Variants in MAP4K5 observed in about 807,000 individuals in gnomAD.
MAP4K5 encodes the protein mitogen-activated protein kinase kinase kinase kinase 5.
A neutral mutation model predicts 135.6 loss-of-function variants in MAP4K5; 82 were observed. That is an observed-to-expected ratio of 0.60 (90% CI 0.51 to 0.73). MAP4K5 has a LOEUF of 0.73. Among genes scored for constraint, MAP4K5 ranks in the 30% least tolerant of loss-of-function variants. The probability of loss-of-function intolerance (pLI) is 0.00; values close to 1 mark genes in which losing one functional copy is unlikely to be tolerated. For synonymous variants in MAP4K5, 347 were observed against 335.0 expected, an observed-to-expected ratio of 1.04 and a Z score of -0.39; for missense variants, 907 against 1,010.9, an observed-to-expected ratio of 0.90 and a Z score of 1.39.
At chr14:50,529,599 A>C (rs1219236041) in intron 2 of MAP4K5, among the ~76,000 whole-genome samples, 1 of 152,190 alleles carries the variant, frequency 6.6e-6, no homozygotes, top group Non-Finnish European at 1.5e-5. Flanking sequence ...CCCTGCCATC[A>C]TGGAGTATTT....
chr14:50,534,067 T>C (rs755788320), upstream of MAP4K5, among the ~76,000 whole-genome samples: 1 of 152,244 alleles, frequency 6.6e-6, no homozygotes, highest in Non-Finnish European at 1.5e-5. Context: ...ACTCAAAATC[T>C]CTTCAAATGT....
In MAP4K5 at chr14:50,532,076, G is replaced by C. The variant is rs754113907; in HGVS notation, c.-27C>G. ...TTCACTTAGGGCCCGGCCCCCGCCA[G>C]CTCACCCCGCGGCTCCCGGATTCCC... On this transcript the variant is annotated 5_prime_UTR_variant, in exon 2 of 33. Coordinates refer to ENST00000682126, the MANE Select transcript of MAP4K5 (RefSeq NM_006575.6). The C allele has an allele frequency of 2.1e-6, 3 of 1,408,356 alleles. No homozygotes were observed. Among genetic ancestry groups the C allele is most frequent in the Admixed American group, 2.1e-5 (1 of 48,374 alleles). 87.2% of individuals were successfully genotyped at this position (1,408,356 alleles called of 1,614,324 possible). A position where few individuals can be genotyped will look rare whatever the true frequency, so the allele number is the denominator to read the frequency against.
intron 3 of MAP4K5, 140 bp downstream of exon 3, chr14:50,504,656 TTAAC>T (rs1461606500): frequency 3.1e-6 from 2 of 635,834 alleles, no homozygotes; most frequent in Non-Finnish European, 5.3e-6. Flanking sequence ...AAACTTACCT[TTAAC>T]TAACCACCTT....
At chr14:50,556,676 C>T (rs1413397459) in intron 1 of MAP4K5, among the ~76,000 whole-genome samples, 2 of 152,172 alleles carry the variant, frequency 1.3e-5, no homozygotes, top group African/African-American at 4.8e-5. Context: ...CCCTAAGCAA[C>T]AATTAATCTA....
At chr14:50,487,471 G>A (rs1438995588) in intron 3 of MAP4K5, among the ~76,000 whole-genome samples, 6 of 152,130 alleles carry the variant, frequency 3.9e-5, no homozygotes, top group Non-Finnish European at 8.8e-5. Context: ...GGTTAGGGAA[G>A]CCAAATGAGG....
intron 2 of MAP4K5, among the ~76,000 whole-genome samples, chr14:50,509,252 G>T (rs535644844): frequency 1.3e-5 from 2 of 151,974 alleles, no homozygotes; most frequent in Admixed American, 1.3e-4. Flanking sequence ...GGCAGGGGGA[G>T]GGATAGCATT....
intron 1 of MAP4K5, chr14:50,559,530 T>C (rs908917342): frequency 2.6e-5 from 4 of 152,250 alleles, no homozygotes; most frequent in African/African-American, 9.6e-5. Context: ...ATAATTGCTA[T>C]TGGACTATAG....
chr14:50,517,812 G>A (rs749649227), intron 2 of MAP4K5, among the ~76,000 whole-genome samples: 5 of 151,996 alleles, frequency 3.3e-5, no homozygotes, highest in African/African-American at 7.2e-5. Flanking sequence ...GAAAGTGTTC[G>A]ATCCAAAACA....
Position 50,440,415 on chromosome 14 carries a change from C to G in MAP4K5, c.1591G>C (p.Asp531His). The G allele has an allele frequency of 6.3e-7, 1 of 1,598,402 alleles. No homozygotes were observed. The highest frequency in any genetic ancestry group is 1.7e-4 in the Middle Eastern group (1 of 6,020). Residue 531 changes from aspartate to histidine, a missense_variant, in exon 22 of 33, where the codon GAT becomes CAT. Coordinates refer to ENST00000682126, the MANE Select transcript of MAP4K5 (RefSeq NM_006575.6). ...TTGAGATTCAGTGTGTAAATACCAT[C>G]TTCAGTTCCAAAAATAATGTACTGA... ...KDQYIIFGTEDGIYTLNLNEL... is the reference protein window; with the variant it reads ...KDQYIIFGTEHGIYTLNLNEL...
intron 20 of MAP4K5, among the ~76,000 whole-genome samples, chr14:50,443,310 TG>T (rs1041350821): frequency 2.0e-5 from 3 of 151,040 alleles, no homozygotes; most frequent in African/African-American, 7.3e-5. Flanking sequence ...CATGGGATCA[TG>T]GGGTTCCCAT....
At chr14:50,480,953 T>C (rs180681357) in intron 6 of MAP4K5, among the ~76,000 whole-genome samples, 196 of 152,266 alleles carry the variant, frequency 1.3e-3, no homozygotes, top group Non-Finnish European at 2.6e-3. Flanking sequence ...GTTGTATATG[T>C]AGCCCATTGT....
chr14:50,429,156 T>C (rs1329554006), intron 29 of MAP4K5, 36 bp downstream of exon 29: 5 of 1,173,596 alleles, frequency 4.3e-6, no homozygotes, highest in Non-Finnish European at 4.8e-6. Flanking sequence ...CTTTATCAAG[T>C]AGTATACTCA....
chr14:50,536,532 G>A (rs773644687), upstream of MAP4K5, among the ~76,000 whole-genome samples: 3 of 152,166 alleles, frequency 2.0e-5, no homozygotes, highest in Non-Finnish European at 2.9e-5. Context: ...TGGGTAACAG[G>A]CAGAGGTTGG....
At chr14:50,557,872 A>G (rs552747398) in intron 1 of MAP4K5, among the ~76,000 whole-genome samples, 2 of 152,224 alleles carry the variant, frequency 1.3e-5, no homozygotes, top group South Asian at 4.1e-4. Context: ...TAGTTCTAAG[A>G]TAGGGAAAAT....
At chr14:50,476,237 T>G in intron 7 of MAP4K5, 22 bp downstream of exon 7, 1 of 1,486,428 alleles carries the variant, frequency 6.7e-7, no homozygotes, top group Non-Finnish European at 9.1e-7. Flanking sequence ...ATTGGCAATT[T>G]AAATGTATTA....
At chr14:50,506,102 C>T (rs2140023622) in intron 2 of MAP4K5, among the ~76,000 whole-genome samples, 1 of 150,788 alleles carries the variant, frequency 6.6e-6, no homozygotes, top group East Asian at 1.9e-4. Context: ...TTTCAAATGG[C>T]AGAAAAAAAC....
intron 3 of MAP4K5, among the ~76,000 whole-genome samples, chr14:50,502,755 G>A (rs2037733620): frequency 6.6e-6 from 1 of 152,024 alleles, no homozygotes; most frequent in African/African-American, 2.4e-5. Flanking sequence ...CACTGGAACA[G>A]AACACAAAAT....
intron 3 of MAP4K5, among the ~76,000 whole-genome samples, chr14:50,488,247 A>G (rs2037410697): frequency 6.6e-6 from 1 of 152,048 alleles, no homozygotes; most frequent in Admixed American, 6.6e-5. Context: ...AGAACTCACT[A>G]TCATGAGAAC....
chr14:50,428,136 G>A (rs528056232), intron 30 of MAP4K5, among the ~76,000 whole-genome samples: 1 of 152,320 alleles, frequency 6.6e-6, no homozygotes, highest in East Asian at 1.9e-4. Flanking sequence ...GAAGCCACAT[G>A]TTGTTATTTA....
Sources: gnomAD v4.1 joint callset for allele counts (sites outside exome capture counted in the v4.1 genomes callset) on GRCh38, gnomAD v4.1.1 for gene constraint, MANE v1.5 for transcripts, NCBI Gene and HGNC (gene_info 2026-07-23, HGNC 2026-07-21) for gene names.